The following NOX4 variants were observed in gnomAD, a reference collection of about 807,000 sequenced individuals.
NOX4 encodes kidney oxidase-1.
NOX4 carries 69 observed loss-of-function variants against 87.6 expected under a neutral mutation model. The observed-to-expected ratio is 0.79, with a 90% confidence interval of 0.65 to 0.96. The LOEUF is 0.96. Among genes scored for constraint, NOX4 ranks in the 40% least tolerant of loss-of-function variants. NOX4 has a pLI of 0.00. For synonymous variants in NOX4, 275 were observed against 238.2 expected (o/e 1.15, Z -1.42); for missense variants, 680 against 681.5 (o/e 1.00, Z 0.02).
chr11:89,587,304 G>C, the NOX4 span, among the ~76,000 whole-genome samples: 3 of 152,094 alleles, frequency 2.0e-5, no homozygotes, highest in Admixed American at 6.6e-5. Context: ...CCGCTATATA[G>C]GTACATTAAT....
the NOX4 span, among the ~76,000 whole-genome samples, chr11:89,574,701 GTCAACA>G: frequency 6.6e-6 from 1 of 152,130 alleles, no homozygotes; most frequent in Non-Finnish European, 1.5e-5. Flanking sequence ...TAGGCAAATA[GTCAACA>G]TTGTTAAACA....
chr11:89,544,709 G>T, the NOX4 span, among the ~76,000 whole-genome samples: 2 of 151,958 alleles, frequency 1.3e-5, no homozygotes, highest in Admixed American at 1.3e-4. Flanking sequence ...TTCCAATTTT[G>T]TAGTAAGGTC....
chr11:89,463,297 A>T (rs1014669120), intron 2 of NOX4, among the ~76,000 whole-genome samples: 1 of 151,938 alleles, frequency 6.6e-6, no homozygotes, highest in African/African-American at 2.4e-5. Flanking sequence ...ATGACACAAC[A>T]TAATTTTCAA....
At position 89,371,109 on chromosome 11, in the gene NOX4, G is replaced by A. The variant is rs568315215; in HGVS notation, c.1135+2323C>T. Among the ~76,000 whole-genome samples, 850 of 152,044 alleles carry A rather than the reference G, an allele frequency of 5.6e-3. 6 individuals are homozygous for A. The highest frequency in any genetic ancestry group is 0.02 in the African/African-American group (810 of 41,526). On this transcript the variant is annotated intron_variant, in intron 12 of 17. Coordinates refer to ENST00000263317, the MANE Select transcript of NOX4 (RefSeq NM_016931.5). Reference sequence around the variant, plus strand: ...CAATTCTTTTAGAATAAAAACCAATGATTCTTGATTTTGAAGGTAATGCTC... The same window carrying A: ...CAATTCTTTTAGAATAAAAACCAATAATTCTTGATTTTGAAGGTAATGCTC...
chr11:89,370,660 G>A (rs1389183042), intron 12 of NOX4, among the ~76,000 whole-genome samples: 8 of 151,990 alleles, frequency 5.3e-5, no homozygotes. Flanking sequence ...TCCATCTACT[G>A]TACTAGCATC....
upstream of NOX4, among the ~76,000 whole-genome samples, chr11:89,496,535 T>G (rs138146792): frequency 1.3e-3 from 194 of 151,668 alleles, no homozygotes; most frequent in African/African-American, 4.3e-3. Flanking sequence ...TTGTACACCT[T>G]AAATATATAA....
rs1290488458 is a variant in NOX4, at chr11:89,444,125, G to A, written c.447+10C>T. 1 of 1,610,766 alleles carries A rather than the reference G, an allele frequency of 6.2e-7. No homozygotes were observed. Among genetic ancestry groups the A allele is most frequent in the East Asian group, 2.2e-5 (1 of 44,812 alleles). The stretch of plus-strand genomic sequence containing the variant: ...AGTGAAAGAAAAATGGGAAGACAGA[G>A]ACCACCCACCTCATCTCGGTATCTT... On this transcript the variant is annotated intron_variant, in intron 5 of 17. Coordinates refer to ENST00000263317, the MANE Select transcript of NOX4 (RefSeq NM_016931.5).
At position 89,353,814 on chromosome 11, in the gene NOX4, C is replaced by A. The variant is rs538395879; in HGVS notation, c.1217+1148G>T. Among the ~76,000 whole-genome samples, 6 of 152,124 alleles carry A rather than the reference C, an allele frequency of 3.9e-5. 1 individual carries two copies. Among genetic ancestry groups the A allele is most frequent in the Admixed American group, 3.9e-4 (6 of 15,252 alleles). ...CACTGTAAGTAAAAATACAAATAGG[C>A]GTGCACCAATCCTTTTAGGCACATT... On this transcript the variant is annotated intron_variant, in intron 13 of 17. Transcript: ENST00000263317.
chr11:89,452,893 G>A lies in NOX4; in HGVS notation c.154-998C>T, dbSNP rs532135013. Among the ~76,000 whole-genome samples the A allele has an allele frequency of 2.6e-3, 388 of 151,834 alleles. 2 individuals are homozygous for A. Among genetic ancestry groups the A allele is most frequent in the Non-Finnish European group, 3.1e-3 (211 of 67,924 alleles). On this transcript the variant is annotated intron_variant, in intron 2 of 17. Transcript: ENST00000263317. ...TGTGGTGAGAATATTTAAAATCCACGTTTAGTCAGGCATGGTGTAATGCAC... is the reference window on the plus strand; with the variant it reads ...TGTGGTGAGAATATTTAAAATCCACATTTAGTCAGGCATGGTGTAATGCAC...
At chr11:89,472,694 C>T in intron 2 of NOX4, among the ~76,000 whole-genome samples, 1 of 152,164 alleles carries the variant, frequency 6.6e-6, no homozygotes, top group Non-Finnish European at 1.5e-5. Flanking sequence ...ATTTTGTCTA[C>T]CTTGTCTTTC....
At chr11:89,479,814 C>T (rs1027863329) in intron 2 of NOX4, among the ~76,000 whole-genome samples, 22 of 152,104 alleles carry the variant, frequency 1.4e-4, no homozygotes, top group African/African-American at 4.8e-4. Flanking sequence ...AACTTTTTAT[C>T]GCATTGCTCG....
upstream of NOX4, among the ~76,000 whole-genome samples, chr11:89,493,824 A>G (rs191724560): frequency 2.2e-3 from 336 of 151,598 alleles, no homozygotes; most frequent in Middle Eastern, 7.0e-3. Flanking sequence ...ATCTCGGCTG[A>G]CTGTAACCTC....
chr11:89,481,794 A>G (rs1946400430), intron 2 of NOX4, among the ~76,000 whole-genome samples: 1 of 152,054 alleles, frequency 6.6e-6, no homozygotes. Flanking sequence ...AAACAGGGTA[A>G]ATGGACTAGA....
chr11:89,453,039 G>C (rs1171635791), intron 2 of NOX4, among the ~76,000 whole-genome samples: 1 of 145,466 alleles, frequency 6.9e-6, no homozygotes, highest in Non-Finnish European at 1.5e-5. Context: ...GCGAGACTCT[G>C]TCTCAAAAAA....
At chr11:89,456,433 C>T (rs1187471342) in intron 2 of NOX4, among the ~76,000 whole-genome samples, 2 of 151,984 alleles carry the variant, frequency 1.3e-5, no homozygotes, top group East Asian at 3.9e-4. Flanking sequence ...TAGATACAGC[C>T]AGGAGGAACA....
chr11:89,477,960 TTTCTC>T (rs1435303555), intron 2 of NOX4, among the ~76,000 whole-genome samples: 4 of 152,222 alleles, frequency 2.6e-5, no homozygotes, highest in Non-Finnish European at 5.9e-5. Context: ...TAGAAGGTAT[TTTCTC>T]TTAACTGTTG....
chr11:89,382,830 C>T (rs1940396761), intron 11 of NOX4, among the ~76,000 whole-genome samples: 1 of 152,084 alleles, frequency 6.6e-6, no homozygotes, highest in Non-Finnish European at 1.5e-5. Flanking sequence ...GAGCTAAAGG[C>T]ATAGTCAAGG....
rs1945163227 is a variant in NOX4 at position 89,324,939 on chromosome 11, AT to A, written c.*1816del. 1 of 151,950 alleles carries A rather than the reference AT, an allele frequency of 6.6e-6. No individual in the cohort carries two copies. Among genetic ancestry groups the A allele is most frequent in the Non-Finnish European group, 1.5e-5 (1 of 67,998 alleles). 9.4% of individuals were successfully genotyped at this position (151,950 alleles called of 1,614,324 possible). The stretch of plus-strand genomic sequence containing the variant: ...CATTCAGTATGGGTTAGCATGCTTG[AT>A]TGCTATTGGTGAATTATAGCAAAAA... On this transcript the variant is annotated 3_prime_UTR_variant, in exon 18 of 18. Transcript: ENST00000263317.
At chr11:89,387,686 T>A (rs1459885514) in intron 11 of NOX4, among the ~76,000 whole-genome samples, 2 of 152,208 alleles carry the variant, frequency 1.3e-5, no homozygotes, top group African/African-American at 2.4e-5. Context: ...GAAATTAGTA[T>A]GAAAATAATG....
Sources: gnomAD v4.1 joint callset for allele counts (sites outside exome capture counted in the v4.1 genomes callset) on GRCh38, gnomAD v4.1.1 for gene constraint, MANE v1.5 for transcripts, NCBI Gene and HGNC (gene_info 2026-07-23, HGNC 2026-07-21) for gene names.